The following CSMD2 variants were observed in gnomAD, a reference collection of about 807,000 sequenced individuals.
The protein encoded by CSMD2 is CUB and Sushi multiple domains 2.
In CSMD2, 130 loss-of-function variants were observed where a neutral mutation model predicts 398.5. The ratio of observed to expected loss-of-function variants is 0.33; its 90% CI spans 0.28 to 0.38. The LOEUF is 0.38. Ranked by LOEUF, CSMD2 falls within the 10% of genes least tolerant of loss-of-function variation. The pLI is 1.00. For synonymous variants in CSMD2, 1,828 were observed against 1,908.5 expected, an observed-to-expected ratio of 0.96 and a Z score of 1.10; for missense variants, 3,829 against 4,764.9, an observed-to-expected ratio of 0.80 and a Z score of 5.78.
rs564401315 is a variant in CSMD2, at chr1:33,805,828, G to A, written c.1446+4915C>T. ...CAGAAACCGAATTTAGTTGCACTTT[G>A]ATCATGGACTTCTAGCCTCCAGAAT... On this transcript the variant is annotated intron_variant, in intron 10 of 70. Coordinates refer to ENST00000373381, the MANE Select transcript of CSMD2 (RefSeq NM_001281956.2). Among the ~76,000 whole-genome samples the A allele has an allele frequency of 5.1e-4, 77 of 152,064 alleles. 1 individual carries two copies. Among genetic ancestry groups the A allele is most frequent in the African/African-American group, 1.8e-3 (74 of 41,492 alleles).
At chr1:33,987,101 C>T (rs1646385169) in intron 3 of CSMD2, among the ~76,000 whole-genome samples, 1 of 152,158 alleles carries the variant, frequency 6.6e-6, no homozygotes, top group Non-Finnish European at 1.5e-5. Flanking sequence ...AATGAATGCA[C>T]AGACCTTTAT....
intron 1 of CSMD2, among the ~76,000 whole-genome samples, chr1:34,149,287 G>A (rs1640069099): frequency 6.6e-6 from 1 of 152,102 alleles, no homozygotes; most frequent in South Asian, 2.1e-4. Context: ...CCGAGGTCCT[G>A]TTCCAGCCAG....
rs116104523 is a variant in CSMD2 at position 33,627,104 on chromosome 1, G to A, written c.5201-523C>T. 2.6e-3 allele frequency among the ~76,000 whole-genome samples: 391 copies of A among 152,312 alleles called. 1 individual carries two copies. The highest frequency in any genetic ancestry group is 8.8e-3 in the African/African-American group (366 of 41,556). On this transcript the variant is annotated intron_variant, in intron 32 of 70. Coordinates refer to ENST00000373381, the MANE Select transcript of CSMD2 (RefSeq NM_001281956.2). ...CATCCTGTGAAATGATTACCAGAGC[G>A]ATGGTGTAATGTATTGTTCATACTA...
At chr1:33,662,735 A>G (rs887162616) in intron 26 of CSMD2, among the ~76,000 whole-genome samples, 155 bp downstream of exon 26, 3 of 152,214 alleles carry the variant, frequency 2.0e-5, no homozygotes, top group Admixed American at 6.5e-5. Flanking sequence ...CAGCACAGAC[A>G]TTTGAACAGG....
At chr1:33,822,275 G>A (rs536333379) in intron 7 of CSMD2, among the ~76,000 whole-genome samples, 30 of 152,264 alleles carry the variant, frequency 2.0e-4, no homozygotes, top group African/African-American at 7.0e-4. Flanking sequence ...ATGAGGAGAA[G>A]GAGCAGGGCA....
intron 53 of CSMD2, among the ~76,000 whole-genome samples, chr1:33,565,113 CT>C (rs2148672533): frequency 6.6e-6 from 1 of 152,250 alleles, no homozygotes; most frequent in Non-Finnish European, 1.5e-5. Context: ...CTGTTGCAAG[CT>C]TTTGTGGAGA....
chr1:33,525,667 C>T (rs1178710740), intron 65 of CSMD2, among the ~76,000 whole-genome samples: 1 of 152,122 alleles, frequency 6.6e-6, no homozygotes, highest in Non-Finnish European at 1.5e-5. Context: ...ATGTATTGTA[C>T]ATTTCAAAAT....
intron 14 of CSMD2, among the ~76,000 whole-genome samples, chr1:33,740,715 G>GA (rs1212699353): frequency 1.3e-5 from 2 of 151,940 alleles, no homozygotes; most frequent in South Asian, 2.1e-4. Flanking sequence ...TATGGTGTGG[G>GA]AAAAAAAATG....
rs779888858 is a variant in CSMD2 at position 33,864,654 on chromosome 1, G to A, written c.921-17658C>T. The A allele has an allele frequency of 9.3e-6, 15 of 1,613,768 alleles. No homozygotes were observed. The highest frequency in any genetic ancestry group is 2.2e-5 in the East Asian group (1 of 44,814). On this transcript the variant is annotated intron_variant, in intron 5 of 70. Transcript: ENST00000373381. ...GGCTCTCCTGAGAGCTAAGTACTTCGAGGAACTTGAACTCTACCGTAAACA... is the reference window on the plus strand; with the variant it reads ...GGCTCTCCTGAGAGCTAAGTACTTCAAGGAACTTGAACTCTACCGTAAACA...
At chr1:33,958,749 C>A (rs1036338417) in intron 3 of CSMD2, among the ~76,000 whole-genome samples, 1 of 152,172 alleles carries the variant, frequency 6.6e-6, no homozygotes, top group Non-Finnish European at 1.5e-5. Context: ...GCCTTAGCTG[C>A]CCCTGGATGA....
intron 5 of CSMD2, among the ~76,000 whole-genome samples, chr1:33,880,308 G>C (rs1428372617): frequency 1.3e-5 from 2 of 152,130 alleles, no homozygotes; most frequent in Non-Finnish European, 2.9e-5. Context: ...ACATAAAGCT[G>C]TTTTTATTTC....
intron 2 of CSMD2, among the ~76,000 whole-genome samples, chr1:34,058,325 A>G (rs1384503059): frequency 6.6e-6 from 1 of 152,152 alleles, no homozygotes; most frequent in African/African-American, 2.4e-5. Flanking sequence ...TGATGATTCA[A>G]TGGGGTGCTA....
At chr1:33,785,394 G>A (rs1399180252) in intron 12 of CSMD2, among the ~76,000 whole-genome samples, 2 of 152,192 alleles carry the variant, frequency 1.3e-5, no homozygotes, top group Admixed American at 6.5e-5. Context: ...TGGTGCAAGG[G>A]GAAAATCCAT....
At chr1:33,710,136 C>T (rs545691263) in intron 21 of CSMD2, among the ~76,000 whole-genome samples, 4 of 152,294 alleles carry the variant, frequency 2.6e-5, no homozygotes, top group South Asian at 4.1e-4. Context: ...GGGGCTTGGT[C>T]GTGTTACTGT....
intron 12 of CSMD2, among the ~76,000 whole-genome samples, chr1:33,776,277 G>A (rs939128942): frequency 2.0e-5 from 3 of 152,206 alleles, no homozygotes; most frequent in African/African-American, 7.2e-5. Context: ...ATGGGACTGA[G>A]AGCACACTAG....
chr1:33,966,512 G>A (rs897603159), intron 3 of CSMD2, among the ~76,000 whole-genome samples: 2 of 152,112 alleles, frequency 1.3e-5, no homozygotes, highest in African/African-American at 4.8e-5. Context: ...GGGCTTATGT[G>A]GCAACTCCTG....
chr1:33,993,968 C>T (rs1421635459), intron 3 of CSMD2, among the ~76,000 whole-genome samples: 4 of 152,174 alleles, frequency 2.6e-5, no homozygotes, highest in Non-Finnish European at 5.9e-5. Context: ...TAGCTTATAA[C>T]CACCTCTAAA....
At chr1:33,709,832 T>C (rs1048827208) in intron 21 of CSMD2, among the ~76,000 whole-genome samples, 2 of 152,038 alleles carry the variant, frequency 1.3e-5, no homozygotes, top group African/African-American at 4.8e-5. Context: ...GGTTTAAAGA[T>C]AAGGAACCAG....
At chr1:33,527,961 A>G (rs1654932176) in intron 64 of CSMD2, among the ~76,000 whole-genome samples, 1 of 129,722 alleles carries the variant, frequency 7.7e-6, no homozygotes. Context: ...AAAAAAAAAA[A>G]AAGTCCTGCC....
Sources: allele counts gnomAD v4.1 joint callset (sites outside exome capture counted in the v4.1 genomes callset), GRCh38; gene constraint gnomAD v4.1.1; transcripts MANE v1.5; gene names NCBI Gene and HGNC (gene_info 2026-07-23, HGNC 2026-07-21).